The following PFKFB3 variants were observed in gnomAD, a reference collection of about 807,000 sequenced individuals.
PFKFB3 encodes 6-phosphofructo-2-kinase/fructose-2,6-bisphosphatase 3.
A neutral mutation model predicts 68.0 loss-of-function variants in PFKFB3; 33 were observed. The observed-to-expected ratio is 0.49, with a 90% CI of 0.37 to 0.65. The LOEUF is 0.65. PFKFB3 is among the 30% of genes least tolerant of loss of function. The pLI is 0.00. For synonymous variants in PFKFB3, 315 were observed against 288.2 expected (o/e 1.09, Z -0.94); for missense variants, 586 against 712.2 (o/e 0.82, Z 2.02).
chr10:6,158,027 T>G (rs1240467789), intron 1 of PFKFB3, among the ~76,000 whole-genome samples: 2 of 152,042 alleles, frequency 1.3e-5, no homozygotes, highest in Non-Finnish European at 2.9e-5. Flanking sequence ...GGTTCATGCC[T>G]GTAATCCCAG....
intron 1 of PFKFB3, among the ~76,000 whole-genome samples, chr10:6,191,993 T>C (rs1843035673): frequency 6.9e-6 from 1 of 145,580 alleles, no homozygotes; most frequent in African/African-American, 2.5e-5. Context: ...TTGGTAAAAT[T>C]GTATTCAATC....
the PFKFB3 span, among the ~76,000 whole-genome samples, chr10:6,303,770 A>G: frequency 6.7e-6 from 1 of 149,440 alleles, no homozygotes; most frequent in Non-Finnish European, 1.5e-5. Flanking sequence ...ACTGCACTCC[A>G]GCCTGGGCAG....
intron 13 of PFKFB3, among the ~76,000 whole-genome samples, chr10:6,225,737 C>T (rs1222251683): frequency 9.0e-6 from 1 of 110,808 alleles, no homozygotes; most frequent in Non-Finnish European, 2.0e-5. Flanking sequence ...GTAGAGATGG[C>T]TCTTCAGATC....
chr10:6,207,194 GGGAGGCCGAGGCTGGC>G (rs2131891118), intron 1 of PFKFB3, among the ~76,000 whole-genome samples: 1 of 152,290 alleles, frequency 6.6e-6, no homozygotes, highest in African/African-American at 2.4e-5. Context: ...CCGGCACCTC[GGGAGGCCGAGGCTGGC>G]GGATCACTCG....
At chr10:6,239,554 C>G (rs753347886), downstream of PFKFB3, among the ~76,000 whole-genome samples, 49 of 152,324 alleles carry the variant, frequency 3.2e-4, no homozygotes, top group South Asian at 2.3e-3. Flanking sequence ...GGTCATAACT[C>G]AAGATGCTCA....
upstream of PFKFB3, chr10:6,202,871 T>C (rs1250326464): frequency 6.3e-5 from 66 of 1,047,622 alleles, no homozygotes; most frequent in Non-Finnish European, 7.3e-5. Context: ...GCCCCGAGGC[T>C]GACGTACGCG....
intron 13 of PFKFB3, chr10:6,225,344 T>A (rs2132009874): frequency 2.5e-6 from 1 of 398,956 alleles, no homozygotes; most frequent in African/African-American, 2.0e-5. Flanking sequence ...GCTGGTGGGC[T>A]GACCTGAGAG....
rs78609696 is a variant in PFKFB3, at chr10:6,174,524, C to T, written c.16+29511C>T. Reference sequence around the variant, plus strand: ...GGGCTTGGAGGCCTGGAGCTGCCTGCGGCCCCCGCCGAGAAAGCCAGGAGC... The same window carrying T: ...GGGCTTGGAGGCCTGGAGCTGCCTGTGGCCCCCGCCGAGAAAGCCAGGAGC... On this transcript the variant is annotated intron_variant, in intron 1 of 14. Transcript: ENST00000379789. Among the ~76,000 whole-genome samples, 574 of 152,322 alleles carry T rather than the reference C, an allele frequency of 3.8e-3. 1 individual carries two copies. The highest frequency in any genetic ancestry group is 6.8e-3 in the Middle Eastern group (2 of 294).
the PFKFB3 span, among the ~76,000 whole-genome samples, chr10:6,274,835 CA>C: frequency 2.1e-5 from 3 of 142,108 alleles, no homozygotes; most frequent in East Asian, 2.1e-4. Flanking sequence ...GACTCTGTCT[CA>C]AAAAAAAAAC....
At chr10:6,271,713 T>G in the PFKFB3 span, among the ~76,000 whole-genome samples, 1 of 152,148 alleles carries the variant, frequency 6.6e-6, no homozygotes, top group Non-Finnish European at 1.5e-5. Flanking sequence ...AAAGTGAATG[T>G]TCAATAAAGG....
At chr10:6,239,366 G>A (rs776005544), downstream of PFKFB3, among the ~76,000 whole-genome samples, 1 of 152,168 alleles carries the variant, frequency 6.6e-6, no homozygotes, top group African/African-American at 2.4e-5. Flanking sequence ...TGTTAGACTC[G>A]CAGATGAGTC....
intron 1 of PFKFB3, among the ~76,000 whole-genome samples, chr10:6,179,844 G>T (rs1013450412): frequency 2.0e-5 from 3 of 152,140 alleles, no homozygotes; most frequent in Non-Finnish European, 4.4e-5. Context: ...AGTGGGGAGG[G>T]AGTGGTTGTT....
chr10:6,214,922 A>C (rs902606313), intron 2 of PFKFB3, among the ~76,000 whole-genome samples: 1 of 152,202 alleles, frequency 6.6e-6, no homozygotes, highest in Non-Finnish European at 1.5e-5. Context: ...TCACAGTCTC[A>C]GTCTCTGGTT....
chr10:6,164,229 C>CA (rs1842058826), intron 1 of PFKFB3, among the ~76,000 whole-genome samples: 1 of 151,696 alleles, frequency 6.6e-6, no homozygotes, highest in Non-Finnish European at 1.5e-5. Flanking sequence ...GAGGCGCCGC[C>CA]AGTGAGCACC....
rs542995979 is a variant in PFKFB3 at position 6,253,720 on chromosome 10, T to A, written c.1516-458T>A. The stretch of plus-strand genomic sequence containing the variant: ...TAGAGAGGGCAGTTTGGACTTCACC[T>A]AGACAAGAGAAAGCATAGTCTTCAG... On this transcript the variant is annotated intron_variant, in intron 14 of 14. Transcript: ENST00000640683. 5.9e-5 allele frequency among the ~76,000 whole-genome samples: 9 copies of A among 152,176 alleles called. No individual in the cohort carries two copies. The East Asian group carries it at 1.3e-3, about 23-fold the overall frequency.
intron 5 of PFKFB3, 144 bp from the exon 6 acceptor site, chr10:6,216,991 C>A: frequency 2.2e-6 from 2 of 899,468 alleles, no homozygotes; most frequent in African/African-American, 1.6e-5. Context: ...GTTCCAGAGG[C>A]TGCAGTGAGG....
At chr10:6,230,810 G>T (rs1203068850) in intron 14 of PFKFB3, among the ~76,000 whole-genome samples, 2 of 152,046 alleles carry the variant, frequency 1.3e-5, no homozygotes, top group East Asian at 1.9e-4. Context: ...CCTTCTCCCG[G>T]GTTCAAGCGA....
chr10:6,213,636 G>A lies in PFKFB3; in HGVS notation c.90G>A (p.Lys30=), dbSNP rs1206808454. Residue 30 remains lysine, a synonymous_variant, in exon 2 of 15, where the codon AAG becomes AAA. Coordinates refer to ENST00000379775, the MANE Select transcript of PFKFB3 (RefSeq NM_004566.4). ...RPSLPRSCGP[K]LTNSPTVIVM... ...TTGTTTTTCCAGCCTGTGGGCCAAA[G>A]CTGACCAACTCCCCCACCGTCATCG... 2 of 1,612,808 alleles carry A rather than the reference G, an allele frequency of 1.2e-6. No homozygotes were observed. The highest frequency in any genetic ancestry group is 1.7e-6 in the Non-Finnish European group (2 of 1,179,484).
the PFKFB3 span, among the ~76,000 whole-genome samples, chr10:6,261,577 G>A: frequency 1.3e-5 from 2 of 152,156 alleles, no homozygotes; most frequent in African/African-American, 4.8e-5. Flanking sequence ...AACTATTTTG[G>A]GCTGGGCGTG....
Sources: allele counts gnomAD v4.1 joint callset (sites outside exome capture counted in the v4.1 genomes callset), GRCh38; gene constraint gnomAD v4.1.1; transcripts MANE v1.5; gene names NCBI Gene and HGNC (gene_info 2026-07-23, HGNC 2026-07-21).